CRAMP1: variants seen among roughly 807,000 people sequenced by gnomAD.
CRAMP1 encodes cramped chromatin regulator 1, also known as protein cramped-like.
CRAMP1 carries 50 observed loss-of-function variants against 115.4 expected under a neutral mutation model. The observed-to-expected ratio is 0.43, with a 90% CI of 0.35 to 0.55. The LOEUF is 0.55. Among genes scored for constraint, CRAMP1 ranks in the 20% least tolerant of loss-of-function variants. The pLI is 0.01. For synonymous variants in CRAMP1, 866 were observed against 745.4 expected, an observed-to-expected ratio of 1.16 and a Z score of -2.64; for missense variants, 1,679 against 1,721.7, an observed-to-expected ratio of 0.98 and a Z score of 0.44.
rs2036405170 is a variant in CRAMP1 at position 1,614,960 on chromosome 16, C to G, written c.321C>G (p.Ala107=). ...DPPSAVGSGN[A]GGSGPRGKGA... ...CGAGCGCTGTGGGGAGCGGCAACGC[C>G]GGTGGCTCGGGGCCCCGCGGAAAAG... The change falls in exon 2 of 21, where the codon GCC becomes GCG. Residue 107 remains alanine (A), a synonymous_variant. Coordinates refer to ENST00000397412, the MANE Select transcript of CRAMP1 (RefSeq NM_020825.4). This position sits in a 1 kb window ranked among gnomAD's most constrained non-coding sequence, Gnocchi z 4.4. 2 of 1,258,860 alleles carry G rather than the reference C, an allele frequency of 1.6e-6. No homozygotes were observed. The highest frequency in any genetic ancestry group is 8.3e-5 in the Admixed American group (2 of 24,048). The allele number at this position is 1,258,860 out of a possible 1,614,324, so 78.0% of individuals were successfully genotyped here.
intron 4 of CRAMP1, among the ~76,000 whole-genome samples, chr16:1,634,649 T>C (rs921004021): frequency 9.9e-5 from 15 of 152,180 alleles, no homozygotes; most frequent in African/African-American, 3.6e-4. Flanking sequence ...CTTCTTCCTG[T>C]TGAGCTCACC....
rs572568941 is a variant in CRAMP1, at chr16:1,641,051, C to G, written c.779-88C>G. The G allele has an allele frequency of 1.0e-4, 87 of 872,508 alleles. No individual in the cohort carries two copies. In the African/African-American group the frequency reaches 1.2e-3, roughly 12 times the overall value. 54.0% of individuals were successfully genotyped at this position (872,508 alleles called of 1,614,324 possible). On this transcript the variant is annotated intron_variant, in intron 5 of 20. Transcript: ENST00000397412. Reference sequence around the variant, plus strand: ...TAATATTCGGTAATGGGATTTGAGTCTATATTGAGCGGAATTGTATGGGAA... The same window carrying G: ...TAATATTCGGTAATGGGATTTGAGTGTATATTGAGCGGAATTGTATGGGAA...
At chr16:1,662,274 G>T (rs1343369158) in intron 11 of CRAMP1, among the ~76,000 whole-genome samples, 2 of 152,238 alleles carry the variant, frequency 1.3e-5, no homozygotes, top group African/African-American at 4.8e-5. Context: ...CTATCCAGGA[G>T]ACCAGTGGTC....
At chr16:1,643,668 G>C (rs550906768) in intron 6 of CRAMP1, among the ~76,000 whole-genome samples, 3 of 152,322 alleles carry the variant, frequency 2.0e-5, no homozygotes, top group African/African-American at 4.8e-5. Context: ...TCATCCTCCC[G>C]GGCAGCAGGT....
chr16:1,614,788 A>C lies in CRAMP1; in HGVS notation c.149A>C (p.Lys50Thr). The change falls in exon 2 of 21, where the codon AAG (lysine) becomes ACG (threonine). Residue 50 changes from lysine (K) to threonine (T), a missense_variant. Lys to Thr is a moderately conservative substitution (Grantham distance 78). Coordinates refer to ENST00000397412, the MANE Select transcript of CRAMP1 (RefSeq NM_020825.4). The surrounding 1 kb of genome is among the most constrained non-coding windows in gnomAD (Gnocchi z 4.4). Reference protein sequence around the residue: ...EESSGTKRDEKTPRAGADGPP... With the variant: ...EESSGTKRDETTPRAGADGPP... ...AGCAGCGGCACAAAGAGGGACGAGA[A>C]GACCCCCCGGGCCGGCGCCGACGGC... 1 of 1,345,606 alleles carries C rather than the reference A, an allele frequency of 7.4e-7. No individual in the cohort carries two copies. The highest frequency in any genetic ancestry group is 2.0e-5 in the South Asian group (1 of 48,854). 83.4% of individuals were successfully genotyped at this position (1,345,606 alleles called of 1,614,324 possible).
intron 11 of CRAMP1, among the ~76,000 whole-genome samples, chr16:1,661,286 C>T (rs1000622948): frequency 6.6e-6 from 1 of 152,208 alleles, no homozygotes; most frequent in Non-Finnish European, 1.5e-5. Context: ...TGTGCCACTG[C>T]ACTCCAGCCT....
intron 10 of CRAMP1, among the ~76,000 whole-genome samples, chr16:1,657,382 T>C: frequency 6.6e-6 from 1 of 152,184 alleles, no homozygotes; most frequent in East Asian, 1.9e-4. Context: ...CCTGGGAGTC[T>C]GCCAAGCCCA....
intron 9 of CRAMP1, 106 bp from the exon 10 acceptor site, chr16:1,655,771 C>T (rs954590644): frequency 1.4e-5 from 18 of 1,294,150 alleles, no homozygotes; most frequent in East Asian, 2.4e-5. Context: ...GATTTATACC[C>T]TGGGGGATGC....
At position 1,637,880 on chromosome 16, in the gene CRAMP1, G is replaced by A. The variant is rs749735014; in HGVS notation, c.751G>A (p.Gly251Ser). The A allele has an allele frequency of 5.6e-5, 87 of 1,563,252 alleles. No homozygotes were observed. The highest frequency in any genetic ancestry group is 7.0e-5 in the Non-Finnish European group (81 of 1,156,408). The change falls in exon 5 of 21, where the codon GGC becomes AGC. Residue 251 changes from glycine to serine, a missense_variant. By Grantham distance (56) the Gly-to-Ser change is moderately conservative (BLOSUM62 0). This residue lies in a region of CRAMP1 where 42 missense variants were observed against 42.3 expected (regional missense o/e 0.99). Transcript: ENST00000397412. ...GGAACTGTATGGCCTGATCTGCTAT[G>A]GCGAGCTGCGCAAGAAGATTGGGGG... Reference protein sequence around the residue: ...SQELYGLICYGELRKKIGGCM... With the variant: ...SQELYGLICYSELRKKIGGCM...
At position 1,626,138 on chromosome 16, in the gene CRAMP1, A is replaced by T; in HGVS notation, c.512A>T (p.Lys171Met). ...TGGGAGTCGTGGAGCACAGAGGACA[A>T]GAACACCTTCTTCGAGGGGCTGTAC... Reference protein sequence around the residue: ...RQWESWSTEDKNTFFEGLYEH... With the variant: ...RQWESWSTEDMNTFFEGLYEH... Residue 171 changes from lysine (K) to methionine (M), a missense_variant, in exon 3 of 21, where the codon AAG becomes ATG. Physicochemically the swap from Lys to Met is moderately conservative, Grantham distance 95. Around this residue, in one of 8 missense-constraint regions of CRAMP1, gnomAD observed 44 missense variants for 92.4 expected, o/e 0.48. Transcript: ENST00000397412. 6.5e-7 allele frequency: 1 copy of T among 1,536,498 alleles called. No homozygotes were observed. Among genetic ancestry groups the T allele is most frequent in the South Asian group, 1.2e-5 (1 of 82,320 alleles).
rs2036809521 is a variant in CRAMP1, at chr16:1,659,794, CGAT to C, written c.2236-88_2236-86del. On this transcript the variant is annotated intron_variant, in intron 10 of 20. Transcript: ENST00000397412. ...GTCATGACACTGTGCTTTCTGAGCT[CGAT>C]GATTTTCTTGTGCCTCCTACTCCAG... 9.8e-6 allele frequency: 12 copies of C among 1,223,626 alleles called. No homozygotes were observed. In the South Asian group the frequency reaches 1.3e-4, roughly 14 times the overall value. 75.8% of individuals were successfully genotyped at this position (1,223,626 alleles called of 1,614,324 possible).
intron 13 of CRAMP1, 46 bp from the exon 14 acceptor site, chr16:1,665,011 G>T: frequency 7.7e-7 from 1 of 1,297,382 alleles, no homozygotes; most frequent in Non-Finnish European, 1.1e-6. Flanking sequence ...GTGATTTTTT[G>T]GTATGGGAGT....
chr16:1,652,913 T>C, intron 7 of CRAMP1, 120 bp from the exon 8 acceptor site: 1 of 1,222,732 alleles, frequency 8.2e-7, no homozygotes, highest in South Asian at 1.5e-5. Flanking sequence ...CTGCTCTCCT[T>C]GCCTCTGTTT....
intron 8 of CRAMP1, 119 bp from the exon 9 acceptor site, chr16:1,655,100 C>CT: frequency 2.4e-6 from 2 of 845,624 alleles, no homozygotes; most frequent in South Asian, 2.9e-5. Context: ...TCCCGGGTGC[C>CT]TCTCCAGAGG....
chr16:1,632,439 C>A (rs1016025384), intron 4 of CRAMP1, 74 bp downstream of exon 4: 1 of 1,431,412 alleles, frequency 7.0e-7, no homozygotes, highest in Non-Finnish European at 9.4e-7. Context: ...CAGCTTCCAG[C>A]AAGCCCGCCG....
At chr16:1,636,507 T>C (rs985064134) in intron 4 of CRAMP1, among the ~76,000 whole-genome samples, 1 of 152,204 alleles carries the variant, frequency 6.6e-6, no homozygotes, top group Non-Finnish European at 1.5e-5. Context: ...AGAATCCTCC[T>C]CATATCTTGA....
intron 9 of CRAMP1, among the ~76,000 whole-genome samples, 157 bp from the exon 10 acceptor site, chr16:1,655,720 T>C (rs1056000080): frequency 1.3e-5 from 2 of 152,116 alleles, no homozygotes; most frequent in Admixed American, 1.3e-4. Flanking sequence ...CGGGTCAGCA[T>C]TGTTGGGTAG....
chr16:1,632,679 G>T (rs780129197), intron 4 of CRAMP1, among the ~76,000 whole-genome samples: 4 of 152,250 alleles, frequency 2.6e-5, no homozygotes, highest in Non-Finnish European at 4.4e-5. Context: ...GAAGCCTGTG[G>T]TCTCCACTGC....
At chr16:1,629,884 C>T (rs947328868) in intron 3 of CRAMP1, among the ~76,000 whole-genome samples, 1 of 152,182 alleles carries the variant, frequency 6.6e-6, no homozygotes, top group South Asian at 2.1e-4. Flanking sequence ...CGCCAGCCCA[C>T]AGCAGCTTCT....
Sources: allele counts gnomAD v4.1 joint callset (sites outside exome capture counted in the v4.1 genomes callset), GRCh38; gene constraint gnomAD v4.1.1; regional missense constraint gnomAD v4.1.1; non-coding constraint Gnocchi (gnomAD v3.1); transcripts MANE v1.5; gene names NCBI Gene and HGNC (gene_info 2026-07-23, HGNC 2026-07-21).